The following WWOX variants were observed in gnomAD, a reference collection of about 807,000 sequenced individuals.
The protein encoded by WWOX is WW domain-containing oxidoreductase.
Under a neutral mutation model 46.2 loss-of-function variants are expected in WWOX, and 69 were observed. The observed-to-expected ratio is 1.49, with a 90% CI of 1.23 to 1.82. WWOX has a LOEUF of 1.82. WWOX is among the 40% of genes most tolerant of loss of function. The pLI is 0.00. For missense variants in WWOX, 919 were observed against 542.6 expected (o/e 1.69, Z -6.89); for synonymous variants, 359 against 202.6 (o/e 1.77, Z -6.56).
chr16:79,170,853 C>A (rs920511764), intron 8 of WWOX, among the ~76,000 whole-genome samples: 5 of 152,180 alleles, frequency 3.3e-5, no homozygotes, highest in East Asian at 1.9e-4. Flanking sequence ...GGTGATAGCT[C>A]GTGATTCTTC....
chr16:78,436,435 A>T (rs1597083345), intron 8 of WWOX, among the ~76,000 whole-genome samples: 1 of 152,316 alleles, frequency 6.6e-6, no homozygotes, highest in Non-Finnish European at 1.5e-5. Flanking sequence ...AGCAGCTTTT[A>T]TATGTCACAA....
At chr16:79,175,375 A>C (rs542852983) in intron 8 of WWOX, among the ~76,000 whole-genome samples, 281 of 152,290 alleles carry the variant, frequency 1.8e-3, no homozygotes, top group African/African-American at 5.6e-3. Context: ...TGTGGGTTTT[A>C]AATATATTTT....
chr16:78,508,118 C>T (rs1186043075), intron 8 of WWOX, among the ~76,000 whole-genome samples: 4 of 151,798 alleles, frequency 2.6e-5, no homozygotes, highest in South Asian at 4.2e-4. Context: ...AGCAATTCTC[C>T]GTGTCTCAAT....
At chr16:79,102,309 A>G (rs1597377348) in intron 8 of WWOX, among the ~76,000 whole-genome samples, 1 of 152,284 alleles carries the variant, frequency 6.6e-6, no homozygotes, top group East Asian at 1.9e-4. Flanking sequence ...GTTTGACTCT[A>G]GGACTCAGCT....
intron 5 of WWOX, among the ~76,000 whole-genome samples, chr16:78,185,777 C>T (rs1343332237): frequency 1.3e-5 from 2 of 152,148 alleles, no homozygotes; most frequent in Non-Finnish European, 2.9e-5. Context: ...AGTGATTCTC[C>T]CGTCTCAGCC....
chr16:78,553,177 G>C (rs1272267850), intron 8 of WWOX: 2 of 152,244 alleles, frequency 1.3e-5, no homozygotes, highest in Non-Finnish European at 2.9e-5. Context: ...AATGGATGTT[G>C]GGCTTAATAC....
chr16:78,934,455 A>T (rs2045692946), intron 8 of WWOX, among the ~76,000 whole-genome samples: 1 of 147,686 alleles, frequency 6.8e-6, no homozygotes, highest in Non-Finnish European at 1.5e-5. Context: ...GCTGCAGTGA[A>T]CTGTGATCAC....
At chr16:78,907,777 G>A (rs930988834) in intron 8 of WWOX, among the ~76,000 whole-genome samples, 1 of 152,148 alleles carries the variant, frequency 6.6e-6, no homozygotes, top group East Asian at 1.9e-4. Context: ...CATTTCAACA[G>A]ATCTAGAAAT....
chr16:78,883,673 G>T (rs2044390373), intron 8 of WWOX, among the ~76,000 whole-genome samples: 1 of 151,314 alleles, frequency 6.6e-6, no homozygotes, highest in African/African-American at 2.4e-5. Context: ...GCAGTGAGTT[G>T]AGATCATGCT....
intron 8 of WWOX, among the ~76,000 whole-genome samples, chr16:79,160,196 A>G (rs1479118506): frequency 1.3e-5 from 2 of 152,196 alleles, no homozygotes; most frequent in Non-Finnish European, 2.9e-5. Context: ...TCAAGATGGG[A>G]GCTGTCAGTT....
chr16:78,904,308 G>A (rs974272964), intron 8 of WWOX, among the ~76,000 whole-genome samples: 3 of 147,312 alleles, frequency 2.0e-5, no homozygotes, highest in Middle Eastern at 3.6e-3. Context: ...GCATGATCTC[G>A]GCTCACTGCA....
Position 79,059,357 on chromosome 16 carries a change from C to G in WWOX, c.1057-152251C>G, listed in dbSNP as rs558127511. Among the ~76,000 whole-genome samples the G allele has an allele frequency of 1.2e-4, 19 of 152,336 alleles. No individual in the cohort carries two copies. The South Asian group carries it at 3.9e-3, about 32-fold the overall frequency. ...AACTATATCGTCAACTACCTGTTCTCAAACACTTTAACAATCAGCTCACCA... is the reference window on the plus strand; with the variant it reads ...AACTATATCGTCAACTACCTGTTCTGAAACACTTTAACAATCAGCTCACCA... On this transcript the variant is annotated intron_variant, in intron 8 of 8. Transcript: ENST00000566780.
At chr16:78,545,739 G>A (rs1364281887) in intron 8 of WWOX, among the ~76,000 whole-genome samples, 1 of 152,172 alleles carries the variant, frequency 6.6e-6, no homozygotes, top group Non-Finnish European at 1.5e-5. Context: ...AGTTCTGGAG[G>A]CTGGAAATTC....
At chr16:78,399,052 T>A (rs547894788) in intron 6 of WWOX, among the ~76,000 whole-genome samples, 1 of 138,654 alleles carries the variant, frequency 7.2e-6, no homozygotes, top group East Asian at 2.1e-4. Flanking sequence ...CAGGTAAGTA[T>A]AAGGAAGGGG....
chr16:78,760,128 G>A (rs2049754753), intron 8 of WWOX, among the ~76,000 whole-genome samples: 1 of 152,120 alleles, frequency 6.6e-6, no homozygotes, highest in African/African-American at 2.4e-5. Context: ...GGCTAGGGTG[G>A]GTGCACAGTC....
intron 8 of WWOX, among the ~76,000 whole-genome samples, chr16:79,113,251 G>C (rs1390541242): frequency 6.6e-6 from 1 of 152,224 alleles, no homozygotes; most frequent in East Asian, 1.9e-4. Context: ...AGCCATCCCA[G>C]GGTGCGTTAG....
chr16:78,676,553 T>C (rs1275254170), intron 8 of WWOX, among the ~76,000 whole-genome samples: 1 of 152,170 alleles, frequency 6.6e-6, no homozygotes, highest in Non-Finnish European at 1.5e-5. Flanking sequence ...TCTAAAATCA[T>C]CATCATGTAT....
In WWOX at chr16:78,648,319, C is replaced by T. The variant is rs147203040; in HGVS notation, c.1056+215567C>T. Among the ~76,000 whole-genome samples the T allele has an allele frequency of 1.5e-3, 223 of 152,254 alleles. 1 individual carries two copies. The highest frequency in any genetic ancestry group is 5.0e-3 in the African/African-American group (208 of 41,548). ...ATGCGAGGCCCTTGTTGTAAGGAAA[C>T]GCTGGTGGGTGCTCACTCCTTCATC... On this transcript the variant is annotated intron_variant, in intron 8 of 8. Transcript: ENST00000566780.
intron 7 of WWOX, among the ~76,000 whole-genome samples, chr16:78,429,831 G>T (rs770342637): frequency 6.6e-6 from 1 of 152,156 alleles, no homozygotes; most frequent in Non-Finnish European, 1.5e-5. Context: ...ACAAAATGGC[G>T]TGTGTTTCAA....
Sources: gnomAD v4.1 joint callset for allele counts (sites outside exome capture counted in the v4.1 genomes callset) on GRCh38, gnomAD v4.1.1 for gene constraint, MANE v1.5 for transcripts, NCBI Gene and HGNC (gene_info 2026-07-23, HGNC 2026-07-21) for gene names.